The following ADGRG4 variants were observed in gnomAD, a reference collection of about 807,000 sequenced individuals.
The protein encoded by ADGRG4 is G protein-coupled receptor 112.
ADGRG4 carries 122 observed loss-of-function variants against 126.2 expected under a neutral mutation model. The observed-to-expected ratio is 0.97, with a 90% confidence interval of 0.83 to 1.12. The LOEUF (loss-of-function observed/expected upper bound fraction) is 1.12. Ranked by LOEUF, ADGRG4 falls within the 50% of genes most tolerant of loss-of-function variation. The pLI is 0.00. For missense variants in ADGRG4, 2,481 were observed against 2,251.8 expected (o/e 1.10, Z -2.06); for synonymous variants, 943 against 838.7 (o/e 1.12, Z -2.15).
At chrX:136,375,410 A>G (rs775552215) in intron 15 of ADGRG4, among the ~76,000 whole-genome samples, 1 of 112,012 alleles carries the variant, frequency 8.9e-6, no homozygotes, top group East Asian at 2.8e-4. Context: ...CAGTAGTGGG[A>G]TTGCTAGATG....
chrX:136,311,829 A>G (rs2074773457), intron 4 of ADGRG4, among the ~76,000 whole-genome samples: 1 of 110,925 alleles, frequency 9.0e-6, no homozygotes, highest in Admixed American at 9.7e-5. Context: ...GGGTTCAGGA[A>G]AAGCCCTATC....
chrX:136,327,464 A>AAATAATAATAATAAT (rs201257685), intron 5 of ADGRG4, among the ~76,000 whole-genome samples: 8,535 of 97,445 alleles, frequency 0.088, 326 homozygotes, highest in Middle Eastern at 0.15. Context: ...GTGGGAAATA[A>AAATAATAATAATAAT]AATAATAATA....
At chrX:136,374,511 C>G (rs770749446) in intron 15 of ADGRG4, among the ~76,000 whole-genome samples, 49 of 111,262 alleles carry the variant, frequency 4.4e-4, no homozygotes, top group Non-Finnish European at 3.6e-4. Flanking sequence ...CCCACCGCAA[C>G]CTCTGCCTCC....
chrX:136,338,108 C>T lies in ADGRG4; in HGVS notation c.686-6284C>T, dbSNP rs189496420. ...ACTCTACTATTAAGTCCATCCAGCT[C>T]GTCTTAAAAATTTGGTTTTGTATTC... On this transcript the variant is annotated intron_variant, in intron 5 of 25. Transcript: ENST00000394143. Among the ~76,000 whole-genome samples the T allele has an allele frequency of 1.3e-3, 141 of 107,527 alleles. 1 individual carries two copies. Among genetic ancestry groups the T allele is most frequent in the Non-Finnish European group, 2.3e-3 (118 of 52,293 alleles). The allele number at this position is 107,527 out of a possible 115,157, so 93.4% of individuals were successfully genotyped here. A position where few individuals can be genotyped will look rare whatever the true frequency, so the allele number is the denominator to read the frequency against.
At position 136,346,617 on chromosome X, in the gene ADGRG4, A is replaced by G; in HGVS notation, c.2911A>G (p.Thr971Ala). Residue 971 changes from threonine to alanine, a missense_variant, in exon 6 of 26, where the codon ACA (threonine) becomes GCA (alanine). Coordinates refer to ENST00000394143, the MANE Select transcript of ADGRG4 (RefSeq NM_153834.4). Reference sequence around the variant, plus strand: ...CGGTGAACCCCTGGGTGCTTCTACCACAAGGATATCAGAAACCAGTTTCTC... The same window carrying G: ...CGGTGAACCCCTGGGTGCTTCTACCGCAAGGATATCAGAAACCAGTTTCTC... ...IFGEPLGAST[T>A]RISETSFSTT... The G allele has an allele frequency of 8.3e-7, 1 of 1,210,440 alleles. No homozygotes were observed. Among genetic ancestry groups the G allele is most frequent in the East Asian group, 3.0e-5 (1 of 33,811 alleles).
rs567990262 is a variant in ADGRG4 at position 136,404,614 on chromosome X, C to T, written c.8655-1078C>T. Among the ~76,000 whole-genome samples, 16 of 111,550 alleles carry T rather than the reference C, an allele frequency of 1.4e-4. No homozygotes were observed. The South Asian group carries it at 6.1e-3, about 43-fold the overall frequency. ...ACGATCAAATTTGTATGGATATTCTCTTGCACACTTTGTTACCCAAGTGGT... is the reference window on the plus strand; with the variant it reads ...ACGATCAAATTTGTATGGATATTCTTTTGCACACTTTGTTACCCAAGTGGT... On this transcript the variant is annotated intron_variant, in intron 22 of 25. Coordinates refer to ENST00000394143, the MANE Select transcript of ADGRG4 (RefSeq NM_153834.4).
chrX:136,375,351 T>C (rs2075219293), intron 15 of ADGRG4, among the ~76,000 whole-genome samples: 1 of 112,214 alleles, frequency 8.9e-6, no homozygotes, highest in Non-Finnish European at 1.9e-5. Context: ...AACATGTGTG[T>C]GCATGTGCCT....
At chrX:136,305,981 T>C (rs2074731040) in intron 3 of ADGRG4, 1 of 111,729 alleles carries the variant, frequency 9.0e-6, no homozygotes, top group African/African-American at 3.3e-5. Flanking sequence ...CCCGGATCAA[T>C]AAGCCCCATA....
chrX:136,388,400 T>C (rs2148490908), intron 16 of ADGRG4, among the ~76,000 whole-genome samples: 1 of 112,335 alleles, frequency 8.9e-6, no homozygotes, highest in South Asian at 3.7e-4. Flanking sequence ...CTGAAGAGTG[T>C]GGACTCAGGG....
At chrX:136,317,516 A>AAAAG (rs1569533458) in intron 4 of ADGRG4, among the ~76,000 whole-genome samples, 1 of 107,894 alleles carries the variant, frequency 9.3e-6, no homozygotes, top group Non-Finnish European at 1.9e-5. Flanking sequence ...AAAAAAAAAA[A>AAAAG]AAAGAAAGAA....
intron 22 of ADGRG4, among the ~76,000 whole-genome samples, chrX:136,405,306 G>C (rs1364501571): frequency 9.1e-6 from 1 of 109,460 alleles, no homozygotes; most frequent in Non-Finnish European, 1.9e-5. Flanking sequence ...GTAAGGTGGT[G>C]GCGGGGGGGC....
intron 21 of ADGRG4, among the ~76,000 whole-genome samples, chrX:136,400,346 T>C (rs780068945): frequency 8.9e-6 from 1 of 112,104 alleles, no homozygotes; most frequent in East Asian, 2.8e-4. Flanking sequence ...TGTATTGTGC[T>C]AAGTGCTGGC....
Position 136,304,216 on chromosome X carries a change from T to G in ADGRG4, c.-179+9T>G, listed in dbSNP as rs1225163816. The G allele has an allele frequency of 5.4e-5, 6 of 112,031 alleles. No individual in the cohort carries two copies. Among genetic ancestry groups the G allele is most frequent in the Non-Finnish European group, 1.1e-4 (6 of 53,185 alleles). 9.2% of individuals were successfully genotyped at this position (112,031 alleles called of 1,213,427 possible). ...CGTTGAAGCCCTCCCAGGTGACAAT[T>G]GTTTTCCTGACAAAAGAGTTCCAAT... On this transcript the variant is annotated intron_variant, in intron 2 of 25. Coordinates refer to ENST00000394143, the MANE Select transcript of ADGRG4 (RefSeq NM_153834.4).
intron 5 of ADGRG4, among the ~76,000 whole-genome samples, chrX:136,334,070 CTCTCTCTT>C (rs2074931468): frequency 1.1e-5 from 1 of 91,156 alleles, no homozygotes; most frequent in Non-Finnish European, 2.2e-5. Context: ...GGTTGAGGTT[CTCTCTCTT>C]TCTTTCTTTC....
chrX:136,349,224 C>T lies in ADGRG4; in HGVS notation c.5518C>T (p.Pro1840Ser). Residue 1840 changes from proline to serine, a missense_variant, in exon 6 of 26, where the codon CCT becomes TCT. Coordinates refer to ENST00000394143, the MANE Select transcript of ADGRG4 (RefSeq NM_153834.4). ...LPSLTSFVYSPHSTEAEISTP... is the reference protein window; with the variant it reads ...LPSLTSFVYSSHSTEAEISTP... Reference sequence around the variant, plus strand: ...CTCTTTGACATCATTTGTTTATTCACCTCATAGTACTGAAGCTGAGATCTC... The same window carrying T: ...CTCTTTGACATCATTTGTTTATTCATCTCATAGTACTGAAGCTGAGATCTC... The T allele has an allele frequency of 1.7e-6, 2 of 1,204,944 alleles. No individual in the cohort carries two copies. Among genetic ancestry groups the T allele is most frequent in the South Asian group, 1.8e-5 (1 of 56,408 alleles).
chrX:136,414,046 T>G (rs1285461616), intron 24 of ADGRG4, 114 bp from the exon 25 acceptor site: 4 of 675,148 alleles, frequency 5.9e-6, no homozygotes, highest in Non-Finnish European at 8.6e-6. Context: ...TGGCCTAAAC[T>G]TTGTATTTTT....
In ADGRG4 at chrX:136,349,859, C is replaced by T; in HGVS notation, c.6153C>T (p.His2051=). The change falls in exon 6 of 26, where the codon CAC becomes CAT. Residue 2051 remains histidine, a synonymous_variant. Coordinates refer to ENST00000394143, the MANE Select transcript of ADGRG4 (RefSeq NM_153834.4). ...TFLTSDMISA[H]PFTNLTTLPS... ...TGACATCTGACATGATATCAGCGCACCCATTCACTAACTTGACAACACTAC... is the reference window on the plus strand; with the variant it reads ...TGACATCTGACATGATATCAGCGCATCCATTCACTAACTTGACAACACTAC... 8.3e-7 allele frequency: 1 copy of T among 1,209,553 alleles called. No homozygotes were observed. The highest frequency in any genetic ancestry group is 1.1e-6 in the Non-Finnish European group (1 of 893,727).
chrX:136,386,829 C>G (rs1183714198), intron 15 of ADGRG4, among the ~76,000 whole-genome samples: 1 of 112,165 alleles, frequency 8.9e-6, no homozygotes, highest in Non-Finnish European at 1.9e-5. Flanking sequence ...AATACTATTA[C>G]CAATCAACTC....
At chrX:136,369,582 A>G (rs747803647) in intron 13 of ADGRG4, among the ~76,000 whole-genome samples, 1 of 112,398 alleles carries the variant, frequency 8.9e-6, no homozygotes, top group Non-Finnish European at 1.9e-5. Context: ...GCACCACTGA[A>G]GCCCAAAGAA....
Sources: allele counts gnomAD v4.1 joint callset (sites outside exome capture counted in the v4.1 genomes callset), GRCh38; gene constraint gnomAD v4.1.1; transcripts MANE v1.5; gene names NCBI Gene and HGNC (gene_info 2026-07-23, HGNC 2026-07-21).